Variants in RBFOX1 observed in about 807,000 individuals in gnomAD.
RBFOX1 encodes the protein RNA binding fox-1 homolog 1.
Under a neutral mutation model 57.7 loss-of-function variants are expected in RBFOX1, and 8 were observed. The observed-to-expected ratio is 0.14, with a 90% CI of 0.08 to 0.25. The LOEUF (loss-of-function observed/expected upper bound fraction) is 0.25, where lower values mean the gene tolerates loss of function less well. Ranked by LOEUF, RBFOX1 falls within the 10% of genes least tolerant of loss-of-function variation. The pLI, the probability that RBFOX1 is intolerant of heterozygous loss-of-function variation, is 1.00. For synonymous variants in RBFOX1, 326 were observed against 222.4 expected, an observed-to-expected ratio of 1.47 and a Z score of -4.15; for missense variants, 611 against 548.5, an observed-to-expected ratio of 1.11 and a Z score of -1.14.
intron 3 of RBFOX1, among the ~76,000 whole-genome samples, chr16:5,667,898 A>G (rs1429987882): frequency 6.6e-6 from 1 of 152,184 alleles, no homozygotes; most frequent in African/African-American, 2.4e-5. Flanking sequence ...TGCCTGTGGC[A>G]AGGATGTCTC....
chr16:6,599,161 C>G (rs868492253), intron 2 of RBFOX1, among the ~76,000 whole-genome samples: 1 of 152,178 alleles, frequency 6.6e-6, no homozygotes, highest in Non-Finnish European at 1.5e-5. Context: ...ACAAATTTTT[C>G]TCTTCTAACC....
In RBFOX1 at chr16:7,653,959, AGCCTCCTGGGTGG is replaced by A. The variant is rs765790369; in HGVS notation, c.890+19_890+31del. 2.0e-6 allele frequency: 3 copies of A among 1,496,548 alleles called. No individual in the cohort carries two copies. In the African/African-American group the frequency reaches 4.2e-5, roughly 21 times the overall value. The allele number at this position is 1,496,548 out of a possible 1,614,324, so 92.7% of individuals were successfully genotyped here. A position where few individuals can be genotyped will look rare whatever the true frequency, so the allele number is the denominator to read the frequency against. On this transcript the variant is annotated intron_variant, in intron 12 of 15. Coordinates refer to ENST00000550418, the MANE Select transcript of RBFOX1 (RefSeq NM_018723.4). ...CCGGCCTACGGCGGGTAAGTGGGGC[AGCCTCCTGGGTGG>A]GCCTCCCTGCACCAGCCCTCCCTCC...
chr16:5,332,973 G>A (rs1289756126), intron 1 of RBFOX1, among the ~76,000 whole-genome samples: 1 of 152,092 alleles, frequency 6.6e-6, no homozygotes. Flanking sequence ...ATCACCTGAG[G>A]TCAGGAGTTT....
At chr16:6,827,319 A>C (rs2092279365) in intron 3 of RBFOX1, among the ~76,000 whole-genome samples, 1 of 152,182 alleles carries the variant, frequency 6.6e-6, no homozygotes, top group Non-Finnish European at 1.5e-5. Context: ...AAGTGGTTAC[A>C]GATAAAGCAA....
At chr16:6,129,538 G>C (rs1567523023) in intron 1 of RBFOX1, among the ~76,000 whole-genome samples, 1 of 152,022 alleles carries the variant, frequency 6.6e-6, no homozygotes, top group Admixed American at 6.6e-5. Flanking sequence ...AGAGTATCAA[G>C]TAGTCTGATA....
chr16:5,513,354 A>T (rs2043674897), intron 2 of RBFOX1, among the ~76,000 whole-genome samples: 1 of 152,130 alleles, frequency 6.6e-6, no homozygotes, highest in Admixed American at 6.5e-5. Flanking sequence ...GACTGTGGAG[A>T]TAAAGTGCCC....
intron 1 of RBFOX1, among the ~76,000 whole-genome samples, chr16:6,201,589 G>T (rs1488439517): frequency 6.6e-6 from 1 of 152,032 alleles, no homozygotes. Flanking sequence ...AATGAATGAG[G>T]TCTAATGTTT....
chr16:6,045,374 A>C (rs1319220172), intron 1 of RBFOX1, among the ~76,000 whole-genome samples: 1 of 152,140 alleles, frequency 6.6e-6, no homozygotes, highest in Non-Finnish European at 1.5e-5. Flanking sequence ...AGAGTTCTCT[A>C]GGAAGTAGGA....
chr16:6,770,574 A>G (rs943931606), intron 3 of RBFOX1, among the ~76,000 whole-genome samples: 27 of 151,050 alleles, frequency 1.8e-4, no homozygotes, highest in Admixed American at 1.7e-3. Flanking sequence ...GAATCTCACA[A>G]TTTCAAGGTG....
At chr16:6,861,822 G>GTTTTTTTTTTTTTTTTTTTTTTTTT (rs1285793325) in intron 3 of RBFOX1, among the ~76,000 whole-genome samples, 1 of 65,566 alleles carries the variant, frequency 1.5e-5, no homozygotes, top group African/African-American at 7.4e-5. Context: ...AGCGTCCCTT[G>GTTTTTTTTTTTTTTTTTTTTTTTTT]GTTTTTTTTT....
At chr16:5,437,493 C>G (rs1360603824) in intron 1 of RBFOX1, among the ~76,000 whole-genome samples, 2 of 152,196 alleles carry the variant, frequency 1.3e-5, no homozygotes, top group Admixed American at 6.5e-5. Context: ...ATATTGCAAA[C>G]TACCTAAAGT....
At chr16:5,865,789 G>A (rs990501914) in intron 3 of RBFOX1, among the ~76,000 whole-genome samples, 1 of 152,166 alleles carries the variant, frequency 6.6e-6, no homozygotes, top group Non-Finnish European at 1.5e-5. Flanking sequence ...TGGAGCCTGA[G>A]AGTTCAAGAT....
At chr16:5,630,004 C>T (rs1432221103) in intron 3 of RBFOX1, among the ~76,000 whole-genome samples, 1 of 152,196 alleles carries the variant, frequency 6.6e-6, no homozygotes, top group African/African-American at 2.4e-5. Flanking sequence ...TAGGATCTCT[C>T]TATGTCCTGG....
chr16:7,157,219 G>T (rs947132255), intron 4 of RBFOX1, among the ~76,000 whole-genome samples: 1 of 152,198 alleles, frequency 6.6e-6, no homozygotes, highest in Non-Finnish European at 1.5e-5. Flanking sequence ...CCTTGTGTGT[G>T]TGCATTGGCT....
At chr16:7,194,186 C>T (rs995363395) in intron 4 of RBFOX1, among the ~76,000 whole-genome samples, 1 of 152,172 alleles carries the variant, frequency 6.6e-6, no homozygotes, top group South Asian at 2.1e-4. Context: ...TTTGTGATCT[C>T]TGTTTTTAGT....
intron 3 of RBFOX1, among the ~76,000 whole-genome samples, chr16:6,855,846 T>TTTCCCTCCCTGC (rs1555533211): frequency 2.6e-5 from 1 of 38,208 alleles, no homozygotes; most frequent in African/African-American, 3.3e-4. Flanking sequence ...TCCCTCCCTC[T>TTTCCCTCCCTGC]TTCCCTCCCT....
intron 3 of RBFOX1, among the ~76,000 whole-genome samples, chr16:6,658,559 A>T (rs1330732518): frequency 2.6e-5 from 4 of 152,134 alleles, no homozygotes; most frequent in African/African-American, 9.7e-5. Context: ...TTATCTGCGC[A>T]CAGTCTGGGC....
chr16:7,237,566 A>C (rs184197179), intron 4 of RBFOX1, among the ~76,000 whole-genome samples: 195 of 152,348 alleles, frequency 1.3e-3, no homozygotes, highest in African/African-American at 4.4e-3. Context: ...ATTTGGACCA[A>C]CTGGCTTCCT....
chr16:7,567,309 A>ATATATATCTCCCTATATATGGCCC (rs1567865519), intron 5 of RBFOX1, among the ~76,000 whole-genome samples: 1 of 30,018 alleles, frequency 3.3e-5, no homozygotes, highest in Non-Finnish European at 8.7e-5. Context: ...GGCCCTATAT[A>ATATATATCTCCCTATATATGGCCC]TATATATATA....
Sources: allele counts gnomAD v4.1 joint callset (sites outside exome capture counted in the v4.1 genomes callset), GRCh38; gene constraint gnomAD v4.1.1; transcripts MANE v1.5; gene names NCBI Gene and HGNC (gene_info 2026-07-23, HGNC 2026-07-21).